NEGR1: variants seen among roughly 807,000 people sequenced by gnomAD.
NEGR1 encodes the protein neuronal growth regulator 1, also known as IgLON family member 4.
In NEGR1, 10 loss-of-function variants were observed where a neutral mutation model predicts 40.9. That is an observed-to-expected ratio of 0.24 (90% CI 0.15 to 0.42). The LOEUF (loss-of-function observed/expected upper bound fraction) is 0.42, where lower values mean the gene tolerates loss of function less well. Ranked by LOEUF, NEGR1 falls within the 10% of genes least tolerant of loss-of-function variation. The pLI is 1.00. For synonymous variants in NEGR1, 185 were observed against 166.8 expected, an observed-to-expected ratio of 1.11 and a Z score of -0.84; for missense variants, 352 against 438.9, an observed-to-expected ratio of 0.80 and a Z score of 1.77.
At chr1:72,154,924 A>C (rs1651304700) in intron 1 of NEGR1, among the ~76,000 whole-genome samples, 1 of 152,058 alleles carries the variant, frequency 6.6e-6, no homozygotes, top group Admixed American at 6.6e-5. Flanking sequence ...TATTGTTTGA[A>C]TACAATAGTA....
At chr1:71,780,575 T>C (rs1214286247) in intron 2 of NEGR1, among the ~76,000 whole-genome samples, 4 of 152,208 alleles carry the variant, frequency 2.6e-5, no homozygotes, top group African/African-American at 7.2e-5. Flanking sequence ...TGAAAGTAGA[T>C]TTAAAGATTG....
chr1:71,711,970 C>A (rs1017267075), intron 3 of NEGR1, among the ~76,000 whole-genome samples: 1 of 152,042 alleles, frequency 6.6e-6, no homozygotes, highest in African/African-American at 2.4e-5. Flanking sequence ...ATAGAAATGG[C>A]AAAACTATCA....
intron 2 of NEGR1, among the ~76,000 whole-genome samples, chr1:71,829,822 G>A (rs940630081): frequency 4.6e-5 from 7 of 151,876 alleles, no homozygotes; most frequent in Non-Finnish European, 5.9e-5. Context: ...AAATATTGCA[G>A]CACAATCCTT....
chr1:72,211,098 T>A (rs1653589067), intron 1 of NEGR1, among the ~76,000 whole-genome samples: 1 of 151,872 alleles, frequency 6.6e-6, no homozygotes. Context: ...CTGAAAAAGC[T>A]ATTGACATGC....
At chr1:71,638,323 T>C (rs183689640) in intron 4 of NEGR1, among the ~76,000 whole-genome samples, 2 of 152,072 alleles carry the variant, frequency 1.3e-5, no homozygotes, top group South Asian at 2.1e-4. Context: ...AGTTTTGGAA[T>C]GTATTTAAAT....
At chr1:72,041,431 CTTTT>C (rs35706358) in intron 1 of NEGR1, among the ~76,000 whole-genome samples, 5 of 123,432 alleles carry the variant, frequency 4.1e-5, no homozygotes, top group East Asian at 2.2e-4. Flanking sequence ...CTTCTGTAGG[CTTTT>C]TTTTTTTTTT....
intron 1 of NEGR1, among the ~76,000 whole-genome samples, chr1:72,197,485 G>T (rs75400655): frequency 7.0e-4 from 106 of 151,960 alleles, no homozygotes; most frequent in African/African-American, 2.5e-3. Context: ...TATAATAAAT[G>T]AACTAGATTA....
At position 71,842,818 on chromosome 1, in the gene NEGR1, T is replaced by C. The variant is rs1465362484; in HGVS notation, c.410-66521A>G. Among the ~76,000 whole-genome samples, 8 of 152,188 alleles carry C rather than the reference T, an allele frequency of 5.3e-5. No homozygotes were observed. In the East Asian group the frequency reaches 1.5e-3, roughly 29 times the overall value. ...AACATCATTATCGTATATCTTAACT[T>C]AGCAAGCTCTGTTATGGAGTCTATA... is the stretch of plus-strand genomic sequence containing the variant. On this transcript the variant is annotated intron_variant, in intron 2 of 6. Coordinates refer to ENST00000357731, the MANE Select transcript of NEGR1 (RefSeq NM_173808.3).
In NEGR1 at chr1:72,224,869, CA is replaced by C. The variant is rs532855851; in HGVS notation, c.176+57449del. 3.7e-4 allele frequency among the ~76,000 whole-genome samples: 57 copies of C among 152,058 alleles called. 1 individual carries two copies. The South Asian group carries it at 0.011, about 29-fold the overall frequency. ...GATTAGTTAAGCAAACTGCATTATG[CA>C]AAGATACGCATAATTCTTATAATTA... is the stretch of plus-strand genomic sequence containing the variant. On this transcript the variant is annotated intron_variant, in intron 1 of 6. Coordinates refer to ENST00000357731, the MANE Select transcript of NEGR1 (RefSeq NM_173808.3).
chr1:72,081,015 T>TA (rs1557516920), intron 1 of NEGR1, among the ~76,000 whole-genome samples: 7 of 151,760 alleles, frequency 4.6e-5, no homozygotes, highest in African/African-American at 1.2e-4. Flanking sequence ...GACAGAAACA[T>TA]AAAAAAATAA....
intron 6 of NEGR1, among the ~76,000 whole-genome samples, chr1:71,533,524 A>G (rs1284133538): frequency 6.6e-6 from 1 of 151,660 alleles, no homozygotes; most frequent in Non-Finnish European, 1.5e-5. Flanking sequence ...TCTCACACAT[A>G]TACACACAAA....
At chr1:72,014,640 A>C (rs1646693014) in intron 1 of NEGR1, among the ~76,000 whole-genome samples, 1 of 152,010 alleles carries the variant, frequency 6.6e-6, no homozygotes, top group Non-Finnish European at 1.5e-5. Context: ...TAAAATAACA[A>C]TATTATATTC....
At chr1:72,225,461 T>G (rs1363300724) in intron 1 of NEGR1, among the ~76,000 whole-genome samples, 1 of 151,730 alleles carries the variant, frequency 6.6e-6, no homozygotes, top group African/African-American at 2.4e-5. Context: ...TACATAAAAA[T>G]TATTTTTCAA....
At chr1:71,665,101 A>G (rs1259968181) in intron 4 of NEGR1, among the ~76,000 whole-genome samples, 2 of 152,214 alleles carry the variant, frequency 1.3e-5, no homozygotes, top group Non-Finnish European at 2.9e-5. Context: ...TAAATCATTC[A>G]TGAAAATATA....
At chr1:71,817,731 G>A (rs555021399) in intron 2 of NEGR1, among the ~76,000 whole-genome samples, 13 of 152,150 alleles carry the variant, frequency 8.5e-5, no homozygotes, top group Admixed American at 3.9e-4. Flanking sequence ...TGTAGTGATA[G>A]AAACAGCAGA....
chr1:71,735,634 A>AAC (rs1557632816), intron 3 of NEGR1, among the ~76,000 whole-genome samples: 1 of 152,016 alleles, frequency 6.6e-6, no homozygotes, highest in African/African-American at 2.4e-5. Context: ...AATACACATA[A>AAC]ACACACACAC....
intron 2 of NEGR1, among the ~76,000 whole-genome samples, chr1:71,898,941 A>G: frequency 7.6e-6 from 1 of 131,990 alleles, no homozygotes; most frequent in Admixed American, 7.7e-5. Context: ...TATATATAAT[A>G]TATTGCAAAT....
chr1:72,230,951 A>T (rs1009517609), intron 1 of NEGR1, among the ~76,000 whole-genome samples: 8 of 152,154 alleles, frequency 5.3e-5, no homozygotes, highest in African/African-American at 1.9e-4. Flanking sequence ...TCTAACAATC[A>T]TCAGTATTTC....
chr1:71,772,803 T>C (rs1312232192), intron 3 of NEGR1, among the ~76,000 whole-genome samples: 3 of 152,204 alleles, frequency 2.0e-5, no homozygotes, highest in African/African-American at 7.2e-5. Flanking sequence ...TATATGTATA[T>C]ACTTAGTCTA....
Sources: gnomAD v4.1 joint callset for allele counts (sites outside exome capture counted in the v4.1 genomes callset) on GRCh38, gnomAD v4.1.1 for gene constraint, MANE v1.5 for transcripts, NCBI Gene and HGNC (gene_info 2026-07-23, HGNC 2026-07-21) for gene names.